Variants in PTPRB observed in about 807,000 individuals in gnomAD.
PTPRB encodes protein tyrosine phosphatase receptor type B.
PTPRB carries 97 observed loss-of-function variants against 238.1 expected under a neutral mutation model. The observed-to-expected ratio is 0.41, with a 90% CI of 0.35 to 0.48. The LOEUF is 0.48. Ranked by LOEUF, PTPRB falls within the 20% of genes least tolerant of loss-of-function variation. The pLI is 0.30. For synonymous variants in PTPRB, 970 were observed against 995.4 expected, an observed-to-expected ratio of 0.97 and a Z score of 0.48; for missense variants, 2,292 against 2,681.9, an observed-to-expected ratio of 0.85 and a Z score of 3.21.
Position 70,612,544 on chromosome 12 carries a change from A to G in PTPRB, c.709-3205T>C, listed in dbSNP as rs185540713. On this transcript the variant is annotated intron_variant, in intron 3 of 33. Coordinates refer to ENST00000334414, the MANE Select transcript of PTPRB (RefSeq NM_001109754.4). ...AGAAGTTGCATTCCAGAAATTTGGA[A>G]TCAGCCACTCTGTACCATTTCAGGG... is the stretch of plus-strand genomic sequence containing the variant. Among the ~76,000 whole-genome samples, 35 of 152,288 alleles carry G rather than the reference A, an allele frequency of 2.3e-4. No homozygotes were observed. In the East Asian group the frequency reaches 4.1e-3, roughly 18 times the overall value.
chr12:70,618,844 T>G (rs1185004797), intron 3 of PTPRB, among the ~76,000 whole-genome samples: 1 of 152,168 alleles, frequency 6.6e-6, no homozygotes, highest in Non-Finnish European at 1.5e-5. Flanking sequence ...GCCTATGATA[T>G]GTGTTAATTC....
rs530616445 is a variant in PTPRB, at chr12:70,530,315, C to T, written c.6504+1720G>A. 3.3e-5 allele frequency among the ~76,000 whole-genome samples: 5 copies of T among 152,170 alleles called. No homozygotes were observed. The South Asian group carries it at 8.3e-4, about 25-fold the overall frequency. The stretch of plus-strand genomic sequence containing the variant: ...TTGTGGTCATAGTTTTAAAGAGTAT[C>T]TCAAATATACATATATATGTATACA... On this transcript the variant is annotated intron_variant, in intron 32 of 33. Coordinates refer to ENST00000334414, the MANE Select transcript of PTPRB (RefSeq NM_001109754.4).
At chr12:70,621,034 A>T (rs1390243810) in intron 3 of PTPRB, among the ~76,000 whole-genome samples, 4 of 152,248 alleles carry the variant, frequency 2.6e-5, no homozygotes, top group Non-Finnish European at 2.9e-5. Context: ...TTTAGTTTAA[A>T]AAAAGTAAGC....
chr12:70,553,905 A>T (rs1877268131), intron 20 of PTPRB, among the ~76,000 whole-genome samples: 1 of 152,228 alleles, frequency 6.6e-6, no homozygotes, highest in Non-Finnish European at 1.5e-5. Flanking sequence ...CCTGGAAATC[A>T]CAGCTCATCT....
Position 70,538,929 on chromosome 12 carries a change from A to T in PTPRB, c.5864T>A (p.Leu1955Ter), listed in dbSNP as rs1874602142. ...AATTTTGACACAAAACTTACAGGGC[A>T]ATATATTGTTGTATCGATTTTTCCC... ...NRGKNRYNNILPYDATRVKLS... is the reference protein window; with the variant it reads ...NRGKNRYNNI The change falls in exon 27 of 34, where the codon TTG becomes TAG. Residue 1955 changes from leucine to a stop codon, truncating the protein, a stop_gained. Transcript: ENST00000334414. LOFTEE classifies it high-confidence loss of function. 6.2e-7 allele frequency: 1 copy of T among 1,611,612 alleles called. No homozygotes were observed. The highest frequency in any genetic ancestry group is 1.3e-5 in the African/African-American group (1 of 74,902).
At chr12:70,542,752 T>A (rs1875355043) in intron 22 of PTPRB, 1 of 151,188 alleles carries the variant, frequency 6.6e-6, no homozygotes, top group South Asian at 2.1e-4. Flanking sequence ...CCAGGCGTGG[T>A]GGCGGGCGCC....
At chr12:70,600,907 G>A (rs567759080) in intron 4 of PTPRB, among the ~76,000 whole-genome samples, 13 of 151,818 alleles carry the variant, frequency 8.6e-5, no homozygotes, top group South Asian at 2.1e-4. Flanking sequence ...TAGCTCTGTC[G>A]CTGAGGCTGG....
chr12:70,628,620 T>C (rs2136599791), intron 2 of PTPRB, among the ~76,000 whole-genome samples: 1 of 152,324 alleles, frequency 6.6e-6, no homozygotes, highest in Non-Finnish European at 1.5e-5. Flanking sequence ...GGCCAAGGCA[T>C]GAGAAATTTT....
chr12:70,580,759 G>A (rs1472264216), intron 10 of PTPRB, among the ~76,000 whole-genome samples: 2 of 151,680 alleles, frequency 1.3e-5, no homozygotes, highest in East Asian at 1.9e-4. Context: ...CGGAGGTTGC[G>A]GTGAGCCGAG....
At chr12:70,525,358 AG>A (rs1872271751) in intron 32 of PTPRB, 1 of 152,128 alleles carries the variant, frequency 6.6e-6, no homozygotes, top group South Asian at 2.1e-4. Context: ...CCTTTATTCT[AG>A]GAAGATAGTG....
Position 70,560,946 on chromosome 12 carries a change from G to GAA in PTPRB, c.4169-14_4169-13dup. Reference sequence around the variant, plus strand: ...CACAGAGGCTGGGACTTAAACAGAAGAAAAATTGTTACTGAGAACAAAACA... The same window carrying GAA: ...CACAGAGGCTGGGACTTAAACAGAAGAAAAAAATTGTTACTGAGAACAAAACA... On this transcript the variant is annotated splice_polypyrimidine_tract_variant and intron_variant, in intron 16 of 33. Coordinates refer to ENST00000334414, the MANE Select transcript of PTPRB (RefSeq NM_001109754.4). The surrounding 1 kb of genome is among the most constrained non-coding windows in gnomAD (Gnocchi z 4.2). The GAA allele has an allele frequency of 6.2e-7, 1 of 1,607,806 alleles. No individual in the cohort carries two copies.
intron 32 of PTPRB, among the ~76,000 whole-genome samples, chr12:70,526,196 T>C (rs1171481548): frequency 6.6e-6 from 1 of 152,160 alleles, no homozygotes; most frequent in Admixed American, 6.5e-5. Context: ...GAACATTTAA[T>C]TTAATTAATT....
intron 8 of PTPRB, among the ~76,000 whole-genome samples, chr12:70,589,098 C>T (rs1882227673): frequency 6.6e-6 from 1 of 152,122 alleles, no homozygotes. Flanking sequence ...GACAGAGATG[C>T]TTGTCCTGTG....
rs763141638 is a variant in PTPRB at position 70,594,519 on chromosome 12, A to G, written c.1464T>C (p.Val488=). 6.2e-7 allele frequency: 1 copy of G among 1,613,840 alleles called. No individual in the cohort carries two copies. Among genetic ancestry groups the G allele is most frequent in the African/African-American group, 1.3e-5 (1 of 74,910 alleles). The change falls in exon 6 of 34, where the codon GTT becomes GTC. Residue 488 remains valine (V), a synonymous_variant. Coordinates refer to ENST00000334414, the MANE Select transcript of PTPRB (RefSeq NM_001109754.4). Reference sequence around the variant, plus strand: ...TTTGCAGCCCTGCAGCCTCAGTCATAACAGTGAGGTTGTAGAGGTAGCCAG... The same window carrying G: ...TTTGCAGCCCTGCAGCCTCAGTCATGACAGTGAGGTTGTAGAGGTAGCCAG... The part of the protein sequence containing the change: ...LTPGYLYNLT[V]MTEAAGLQNY...
At chr12:70,545,827 T>C (rs56040440) in intron 21 of PTPRB, among the ~76,000 whole-genome samples, 7,513 of 152,112 alleles carry the variant, frequency 0.049, 626 homozygotes, top group African/African-American at 0.17. Flanking sequence ...AAGAGAACAG[T>C]GGGATCATTG....
chr12:70,566,111 C>A (rs913073542), intron 15 of PTPRB, among the ~76,000 whole-genome samples: 2 of 152,154 alleles, frequency 1.3e-5, no homozygotes, highest in Admixed American at 6.5e-5. Flanking sequence ...TCCCAAAAAA[C>A]CATTTTCAGA....
At chr12:70,523,564 T>C (rs566845136) in intron 33 of PTPRB, among the ~76,000 whole-genome samples, 2 of 152,210 alleles carry the variant, frequency 1.3e-5, no homozygotes, top group Non-Finnish European at 2.9e-5. Flanking sequence ...TAGTAAAGCT[T>C]ATTGCTTGGA....
In PTPRB at chr12:70,562,936, A is replaced by G; in HGVS notation, c.4076T>C (p.Phe1359Ser). ...QVDPLVQSFS[F>S]QNLLQGRMYK... Reference sequence around the variant, plus strand: ...CATTCTGCCTTGTAGCAAGTTCTGGAAAGAGAAGCTCTGGACTAGTGGGTC... The same window carrying G: ...CATTCTGCCTTGTAGCAAGTTCTGGGAAGAGAAGCTCTGGACTAGTGGGTC... Residue 1359 changes from phenylalanine to serine, a missense_variant, in exon 16 of 34, where the codon TTC (phenylalanine) becomes TCC (serine). Coordinates refer to ENST00000334414, the MANE Select transcript of PTPRB (RefSeq NM_001109754.4). The G allele has an allele frequency of 6.2e-7, 1 of 1,614,006 alleles. No homozygotes were observed. The highest frequency in any genetic ancestry group is 8.5e-7 in the Non-Finnish European group (1 of 1,179,896).
intron 14 of PTPRB, among the ~76,000 whole-genome samples, chr12:70,568,471 G>T (rs1350154704): frequency 6.6e-6 from 1 of 152,030 alleles, no homozygotes; most frequent in African/African-American, 2.4e-5. Flanking sequence ...CTAATTTTTT[G>T]TATTTTTAGT....
Sources: gnomAD v4.1 joint callset for allele counts (sites outside exome capture counted in the v4.1 genomes callset) on GRCh38, gnomAD v4.1.1 for gene constraint, Gnocchi (gnomAD v3.1) non-coding constraint, MANE v1.5 for transcripts, NCBI Gene and HGNC (gene_info 2026-07-23, HGNC 2026-07-21) for gene names.